PACRG: variants seen among roughly 807,000 people sequenced by gnomAD.
PACRG encodes the protein parkin coregulated gene protein.
In PACRG, 29 loss-of-function variants were observed where a neutral mutation model predicts 29.7. That is an observed-to-expected ratio of 0.98 (90% CI 0.73 to 1.33). The LOEUF (loss-of-function observed/expected upper bound fraction) is 1.33, where lower values mean the gene tolerates loss of function less well. PACRG is among the 40% of genes most tolerant of loss of function. The pLI, the probability that PACRG is intolerant of heterozygous loss-of-function variation, is 0.00. For missense variants in PACRG, 279 were observed against 316.2 expected, an observed-to-expected ratio of 0.88 and a Z score of 0.89; for synonymous variants, 116 against 118.7, an observed-to-expected ratio of 0.98 and a Z score of 0.15.
chr6:162,738,322 C>T (rs1780325159), intron 1 of PACRG, among the ~76,000 whole-genome samples: 1 of 152,164 alleles, frequency 6.6e-6, no homozygotes, highest in South Asian at 2.1e-4. Flanking sequence ...GTGCAGGTTT[C>T]TGTAATGCCT....
intron 2 of PACRG, among the ~76,000 whole-genome samples, chr6:163,010,257 G>C (rs1246302730): frequency 6.6e-6 from 1 of 152,164 alleles, no homozygotes; most frequent in East Asian, 1.9e-4. Context: ...AAAGCAAAAC[G>C]CTAGATTCTG....
chr6:163,303,295 G>C (rs1286395718), intron 4 of PACRG, among the ~76,000 whole-genome samples: 1 of 152,144 alleles, frequency 6.6e-6, no homozygotes. Flanking sequence ...CTGCACTCTA[G>C]CCTGGGTGAC....
chr6:163,211,425 T>A (rs1047478335), intron 4 of PACRG, among the ~76,000 whole-genome samples: 2 of 152,172 alleles, frequency 1.3e-5, no homozygotes, highest in Non-Finnish European at 2.9e-5. Flanking sequence ...ATGAACAAAT[T>A]TTTTAAATTT....
chr6:162,736,015 A>C (rs1780140958), intron 1 of PACRG, among the ~76,000 whole-genome samples: 1 of 152,228 alleles, frequency 6.6e-6, no homozygotes, highest in African/African-American at 2.4e-5. Flanking sequence ...TGGATGTTCA[A>C]ATTTAATTCT....
intron 2 of PACRG, among the ~76,000 whole-genome samples, chr6:162,885,171 T>A (rs1794223631): frequency 6.6e-6 from 1 of 152,116 alleles, no homozygotes; most frequent in Non-Finnish European, 1.5e-5. Context: ...CTGCAGGGAT[T>A]ATAAACCATG....
At position 163,224,277 on chromosome 6, in the gene PACRG, G is replaced by A. The variant is rs548809538; in HGVS notation, c.614-90550G>A. On this transcript the variant is annotated intron_variant, in intron 4 of 4. Transcript: ENST00000366888. ...CCAGCTACTCAGGAGGCTAAGGCAG[G>A]AGAATAACTTGAACCTGGGATATGG... is the stretch of plus-strand genomic sequence containing the variant. 3.4e-5 allele frequency among the ~76,000 whole-genome samples: 5 copies of A among 145,656 alleles called. No homozygotes were observed. In the South Asian group the frequency reaches 6.7e-4, roughly 19 times the overall value.
chr6:163,297,740 A>T (rs1214927288), intron 4 of PACRG, among the ~76,000 whole-genome samples: 1 of 152,218 alleles, frequency 6.6e-6, no homozygotes, highest in Non-Finnish European at 1.5e-5. Flanking sequence ...AACTTAAGAC[A>T]CTTTGTAAAC....
At chr6:162,810,681 A>G (rs944175983) in intron 1 of PACRG, among the ~76,000 whole-genome samples, 11 of 152,230 alleles carry the variant, frequency 7.2e-5, no homozygotes, top group African/African-American at 2.7e-4. Flanking sequence ...TCAACAGCAG[A>G]ATGCAGTAGG....
rs563488216 is a variant in PACRG, at chr6:162,883,005, G to A, written c.291+68724G>A. On this transcript the variant is annotated intron_variant, in intron 2 of 4. Transcript: ENST00000366888. ...CTCTGCGCTCTGACCCTCACTGGCA[G>A]GGGCACCTCGAGTTCCACTCCCTGT... Among the ~76,000 whole-genome samples, 3 of 152,336 alleles carry A rather than the reference G, an allele frequency of 2.0e-5. No homozygotes were observed. The South Asian group carries it at 6.2e-4, about 32-fold the overall frequency.
chr6:162,734,360 G>C (rs1398642332), intron 1 of PACRG, among the ~76,000 whole-genome samples: 1 of 151,928 alleles, frequency 6.6e-6, no homozygotes, highest in Non-Finnish European at 1.5e-5. Context: ...TTCACCTTAA[G>C]TCATTTTGAT....
At chr6:162,769,131 G>A (rs1271872529) in intron 1 of PACRG, among the ~76,000 whole-genome samples, 3 of 152,058 alleles carry the variant, frequency 2.0e-5, no homozygotes, top group Non-Finnish European at 4.4e-5. Flanking sequence ...AACAGCATAT[G>A]GGGGAGAATC....
At chr6:162,829,400 G>A (rs1012389746) in intron 2 of PACRG, among the ~76,000 whole-genome samples, 1 of 152,262 alleles carries the variant, frequency 6.6e-6, no homozygotes, top group African/African-American at 2.4e-5. Context: ...AATGAAAAGA[G>A]ATGAAACTGA....
At chr6:162,924,945 G>C (rs1318896447) in intron 2 of PACRG, among the ~76,000 whole-genome samples, 2 of 152,030 alleles carry the variant, frequency 1.3e-5, no homozygotes, top group African/African-American at 4.8e-5. Flanking sequence ...GGAAAAGAGA[G>C]AAGAATGAAA....
intron 1 of PACRG, among the ~76,000 whole-genome samples, chr6:162,807,267 C>G (rs1029391532): frequency 1.3e-5 from 2 of 152,222 alleles, no homozygotes; most frequent in Non-Finnish European, 2.9e-5. Flanking sequence ...CATGTGTTCA[C>G]TGGGATAGCA....
chr6:163,196,459 T>C (rs1780457172), intron 4 of PACRG, among the ~76,000 whole-genome samples: 1 of 152,210 alleles, frequency 6.6e-6, no homozygotes, highest in Non-Finnish European at 1.5e-5. Flanking sequence ...CTCTGCACCT[T>C]AGAGATGTCA....
chr6:162,848,442 C>G (rs528078078), intron 2 of PACRG, among the ~76,000 whole-genome samples: 5 of 152,314 alleles, frequency 3.3e-5, no homozygotes, highest in African/African-American at 1.2e-4. Flanking sequence ...CGAGGTCTTG[C>G]ACACTCCTTC....
intron 2 of PACRG, among the ~76,000 whole-genome samples, chr6:163,030,268 A>G (rs1807536649): frequency 6.6e-6 from 1 of 152,176 alleles, no homozygotes. Context: ...TGGCCAGTCC[A>G]CTTCTATGAT....
At chr6:163,073,282 T>C (rs1245555538) in intron 3 of PACRG, among the ~76,000 whole-genome samples, 1 of 152,050 alleles carries the variant, frequency 6.6e-6, no homozygotes. Context: ...AATAAGTCCA[T>C]ACATCTACAG....
intron 2 of PACRG, among the ~76,000 whole-genome samples, chr6:163,027,736 G>A (rs1321890292): frequency 1.3e-5 from 2 of 152,220 alleles, no homozygotes; most frequent in Non-Finnish European, 2.9e-5. Flanking sequence ...CTCTTTTGCA[G>A]CTTTCATGGC....
Sources: allele counts gnomAD v4.1 joint callset (sites outside exome capture counted in the v4.1 genomes callset), GRCh38; gene constraint gnomAD v4.1.1; transcripts MANE v1.5; gene names NCBI Gene and HGNC (gene_info 2026-07-23, HGNC 2026-07-21).